The following PTPRG variants were observed in gnomAD, a reference collection of about 807,000 sequenced individuals.
PTPRG encodes receptor-type tyrosine-protein phosphatase gamma.
PTPRG carries 102 observed loss-of-function variants against 165.3 expected under a neutral mutation model. The observed-to-expected ratio is 0.62, with a 90% CI of 0.53 to 0.73. PTPRG has a LOEUF of 0.73. PTPRG is among the 30% of genes least tolerant of loss of function. The pLI, the probability that PTPRG is intolerant of heterozygous loss-of-function variation, is 0.00. For synonymous variants in PTPRG, 675 were observed against 669.5 expected, an observed-to-expected ratio of 1.01 and a Z score of -0.13; for missense variants, 1,866 against 1,861.4, an observed-to-expected ratio of 1.00 and a Z score of -0.05.
At chr3:62,283,350 GT>G in intron 28 of PTPRG, among the ~76,000 whole-genome samples, 1 of 152,192 alleles carries the variant, frequency 6.6e-6, no homozygotes, top group South Asian at 2.1e-4. Context: ...AAAGTCTTCA[GT>G]ACTGTCTTTT....
intron 28 of PTPRG, among the ~76,000 whole-genome samples, chr3:62,291,130 G>C (rs938820834): frequency 1.3e-5 from 2 of 152,086 alleles, no homozygotes; most frequent in African/African-American, 2.4e-5. Context: ...AAGACATTCA[G>C]CCTCCCTGGT....
intron 14 of PTPRG, among the ~76,000 whole-genome samples, chr3:62,234,824 G>A (rs1012326074): frequency 6.6e-6 from 1 of 151,488 alleles, no homozygotes; most frequent in Admixed American, 6.6e-5. Flanking sequence ...TCTTTTAAAA[G>A]TCTCTCCATT....
intron 1 of PTPRG, among the ~76,000 whole-genome samples, chr3:61,571,530 G>A (rs557640812): frequency 6.6e-6 from 1 of 152,226 alleles, no homozygotes; most frequent in South Asian, 2.1e-4. Context: ...AATTAGTATA[G>A]GATTTTATTT....
intron 8 of PTPRG, among the ~76,000 whole-genome samples, chr3:62,176,907 G>A (rs1437524595): frequency 2.6e-5 from 4 of 152,030 alleles, no homozygotes; most frequent in African/African-American, 9.7e-5. Flanking sequence ...TCCTAGGAAC[G>A]ATTCACTCCT....
intron 5 of PTPRG, among the ~76,000 whole-genome samples, chr3:62,120,186 A>G (rs1443292552): frequency 6.6e-6 from 1 of 152,046 alleles, no homozygotes; most frequent in Non-Finnish European, 1.5e-5. Flanking sequence ...AAAGAATTGG[A>G]GGGTACAGCA....
intron 1 of PTPRG, among the ~76,000 whole-genome samples, chr3:61,662,192 A>G (rs1702686410): frequency 6.6e-6 from 1 of 152,196 alleles, no homozygotes; most frequent in South Asian, 2.1e-4. Flanking sequence ...TTGTCCTCCT[A>G]TTGACTATGA....
chr3:62,051,176 A>G (rs1700457755), intron 4 of PTPRG, among the ~76,000 whole-genome samples: 1 of 152,220 alleles, frequency 6.6e-6, no homozygotes, highest in Admixed American at 6.5e-5. Context: ...CCATTAATCC[A>G]ACAAATATTT....
At chr3:62,089,899 A>G (rs1470253499) in intron 5 of PTPRG, among the ~76,000 whole-genome samples, 1 of 152,224 alleles carries the variant, frequency 6.6e-6, no homozygotes, top group Admixed American at 6.5e-5. Flanking sequence ...TGCATTTTTA[A>G]GAAGGCATTT....
chr3:61,995,871 T>C (rs1054805110), intron 3 of PTPRG, among the ~76,000 whole-genome samples: 1 of 151,952 alleles, frequency 6.6e-6, no homozygotes. Context: ...TTCTTTGTAT[T>C]CTGTTGGACT....
chr3:61,725,326 C>A (rs1020236183), intron 1 of PTPRG, among the ~76,000 whole-genome samples: 1 of 152,084 alleles, frequency 6.6e-6, no homozygotes, highest in East Asian at 1.9e-4. Context: ...CCATGTTGGC[C>A]AGGCTGATCT....
At chr3:62,235,173 C>A (rs1341655792) in intron 14 of PTPRG, among the ~76,000 whole-genome samples, 2 of 152,170 alleles carry the variant, frequency 1.3e-5, no homozygotes, top group East Asian at 3.9e-4. Context: ...TACCTCCTCC[C>A]CAAAATGAGT....
intron 2 of PTPRG, among the ~76,000 whole-genome samples, chr3:61,909,355 G>A (rs899983715): frequency 4.6e-5 from 7 of 152,096 alleles, no homozygotes; most frequent in Admixed American, 1.3e-4. Context: ...TAATTTTTAT[G>A]TATTCATTTT....
rs61114806 is a variant in PTPRG, at chr3:61,661,320, CTTTTT to C, written c.86-87550_86-87546del. 2.7e-5 allele frequency among the ~76,000 whole-genome samples: 4 copies of C among 149,770 alleles called. No individual in the cohort carries two copies. The East Asian group carries it at 5.9e-4, about 22-fold the overall frequency. ...ATCTTACTATTTTTATAAAAGTTTC[CTTTTT>C]TTTTTTTAAATTTTTAAGAGAGAAG... On this transcript the variant is annotated intron_variant, in intron 1 of 29. Transcript: ENST00000474889.
At chr3:61,852,935 G>A (rs1453003470) in intron 2 of PTPRG, among the ~76,000 whole-genome samples, 1 of 152,204 alleles carries the variant, frequency 6.6e-6, no homozygotes, top group Non-Finnish European at 1.5e-5. Context: ...TATGAGTAAA[G>A]TAGACATTGA....
chr3:61,756,227 A>G (rs184324764), intron 2 of PTPRG, among the ~76,000 whole-genome samples: 44 of 152,298 alleles, frequency 2.9e-4, no homozygotes, highest in Non-Finnish European at 5.0e-4. Context: ...TGCTCTTTGA[A>G]CAGAACCTTT....
intron 17 of PTPRG, among the ~76,000 whole-genome samples, chr3:62,264,615 A>G (rs753930458): frequency 1.3e-5 from 2 of 152,222 alleles, no homozygotes; most frequent in Admixed American, 6.5e-5. Flanking sequence ...GTTGTACCAT[A>G]TATCAATACT....
At chr3:61,916,158 G>C (rs953605985) in intron 2 of PTPRG, among the ~76,000 whole-genome samples, 1 of 152,172 alleles carries the variant, frequency 6.6e-6, no homozygotes, top group Non-Finnish European at 1.5e-5. Flanking sequence ...AGGAAGCTGA[G>C]GAAACAGTCT....
At chr3:61,940,673 T>A (rs576529651) in intron 2 of PTPRG, among the ~76,000 whole-genome samples, 3,877 of 130,426 alleles carry the variant, frequency 0.03, 154 homozygotes, top group African/African-American at 0.085. Context: ...TTATTTATTT[T>A]TTATTTTTTT....
chr3:61,877,459 C>T (rs761532307), intron 2 of PTPRG, among the ~76,000 whole-genome samples: 1 of 152,010 alleles, frequency 6.6e-6, no homozygotes, highest in Non-Finnish European at 1.5e-5. Context: ...AAGGTGCCTA[C>T]ATGTGGTTGT....
Sources: gnomAD v4.1 joint callset for allele counts (sites outside exome capture counted in the v4.1 genomes callset) on GRCh38, gnomAD v4.1.1 for gene constraint, MANE v1.5 for transcripts, NCBI Gene and HGNC (gene_info 2026-07-23, HGNC 2026-07-21) for gene names.